TMEM97: variants seen among roughly 807,000 people sequenced by gnomAD.
The protein encoded by TMEM97 is transmembrane protein 97.
A neutral mutation model predicts 18.3 loss-of-function variants in TMEM97; 13 were observed. The observed-to-expected ratio is 0.71, with a 90% CI of 0.46 to 1.13. The LOEUF (loss-of-function observed/expected upper bound fraction) is 1.13, where lower values mean the gene tolerates loss of function less well. TMEM97 is among the 50% of genes most tolerant of loss of function. The pLI is 0.00. For synonymous variants in TMEM97, 76 were observed against 85.3 expected (o/e 0.89, Z 0.60); for missense variants, 205 against 210.5 (o/e 0.97, Z 0.16).
intron 1 of TMEM97, among the ~76,000 whole-genome samples, chr17:28,324,428 T>C (rs1405706796): frequency 6.6e-6 from 1 of 152,230 alleles, no homozygotes; most frequent in Admixed American, 6.5e-5. Context: ...ATCTTTTGAT[T>C]AAAAATTAAC....
Position 28,319,334 on chromosome 17 carries a change from C to T in TMEM97, c.95C>T (p.Ala32Val). ...ATCACCCTGTTCATGGACCTGCAGG[C>T]GGTGCTGCCGCGCGAGCTCTACCCA... The part of the protein sequence containing the change: ...IPITLFMDLQ[A>V]VLPRELYPVE... Residue 32 changes from alanine (A) to valine (V), a missense_variant, in exon 1 of 3, where the codon GCG becomes GTG. Ala to Val is a moderately conservative substitution (Grantham distance 64). Transcript: ENST00000226230. 1.9e-6 allele frequency: 3 copies of T among 1,606,316 alleles called. No homozygotes were observed. The highest frequency in any genetic ancestry group is 1.7e-6 in the Non-Finnish European group (2 of 1,176,502).
At position 28,319,232 on chromosome 17, in the gene TMEM97, G is replaced by A. The variant is rs1906031827; in HGVS notation, c.-8G>A. The A allele has an allele frequency of 6.2e-7, 1 of 1,601,724 alleles. No individual in the cohort carries two copies. Among genetic ancestry groups the A allele is most frequent in the Non-Finnish European group, 8.5e-7 (1 of 1,173,694 alleles). On this transcript the variant is annotated 5_prime_UTR_variant, in exon 1 of 3. Transcript: ENST00000226230. ...CACATCAGCGGGTCCAGGCCCAACC[G>A]ACAGACTATGGGGGCTCCGGCAACC...
In TMEM97 at chr17:28,319,337, T is replaced by C. The variant is rs782366453; in HGVS notation, c.98T>C (p.Val33Ala). ...PITLFMDLQA[V>A]LPRELYPVEF... ...ACCCTGTTCATGGACCTGCAGGCGGTGCTGCCGCGCGAGCTCTACCCAGTC... is the reference window on the plus strand; with the variant it reads ...ACCCTGTTCATGGACCTGCAGGCGGCGCTGCCGCGCGAGCTCTACCCAGTC... Residue 33 changes from valine to alanine, a missense_variant, in exon 1 of 3, where the codon GTG becomes GCG. By Grantham distance (64) the Val-to-Ala change is moderately conservative. Coordinates refer to ENST00000226230, the MANE Select transcript of TMEM97 (RefSeq NM_014573.3). The C allele has an allele frequency of 6.2e-7, 1 of 1,606,744 alleles. No homozygotes were observed. Among genetic ancestry groups the C allele is most frequent in the Non-Finnish European group, 8.5e-7 (1 of 1,176,744 alleles).
intron 2 of TMEM97, among the ~76,000 whole-genome samples, chr17:28,326,274 C>T (rs75909871): frequency 1.5e-3 from 224 of 152,282 alleles, no homozygotes; most frequent in African/African-American, 5.1e-3. Context: ...ACAGGTTTAA[C>T]CGGTAATGGC....
intron 1 of TMEM97, 51 bp downstream of exon 1, chr17:28,319,416 G>GCCCACA: frequency 2.0e-6 from 3 of 1,520,538 alleles, no homozygotes; most frequent in Non-Finnish European, 2.6e-6. Context: ...CCGGCGCTGC[G>GCCCACA]TCCACAGGGC....
chr17:28,321,678 C>T (rs1363501162), intron 1 of TMEM97, among the ~76,000 whole-genome samples: 1 of 152,170 alleles, frequency 6.6e-6, no homozygotes, highest in African/African-American at 2.4e-5. Context: ...CCTCCTGCCT[C>T]GGGCTCCCAA....
chr17:28,326,226 T>C (rs1906327056), intron 2 of TMEM97, among the ~76,000 whole-genome samples: 1 of 152,230 alleles, frequency 6.6e-6, no homozygotes. Flanking sequence ...ACAGATGCCA[T>C]GGGGCAGGGA....
intron 1 of TMEM97, chr17:28,319,598 C>A: frequency 2.3e-6 from 1 of 441,988 alleles, no homozygotes; most frequent in Non-Finnish European, 3.9e-6. Context: ...CCTTTAAAGT[C>A]ACTTCTTCCC....
intron 1 of TMEM97, among the ~76,000 whole-genome samples, chr17:28,322,599 TG>T (rs1906189071): frequency 6.6e-6 from 1 of 152,114 alleles, no homozygotes; most frequent in Non-Finnish European, 1.5e-5. Context: ...GATAAGAACA[TG>T]GTAAGGAGAG....
chr17:28,323,629 C>G (rs1354626229), intron 1 of TMEM97, among the ~76,000 whole-genome samples: 1 of 152,102 alleles, frequency 6.6e-6, no homozygotes, highest in Non-Finnish European at 1.5e-5. Flanking sequence ...AAACTCCTGA[C>G]CTCAGGTGAT....
rs116158445 is a variant in TMEM97, at chr17:28,325,466, A to G, written c.127-37A>G. 7.2e-4 allele frequency: 1,155 copies of G among 1,608,782 alleles called. 10 individuals carry two copies. In the African/African-American group the frequency reaches 0.014, roughly 20 times the overall value. ...GCTAGCGCCGAGCCTGTTGAGGGCA[A>G]GTGGCTGTAATTCATCATGATCGTT... On this transcript the variant is annotated intron_variant, in intron 1 of 2. Coordinates refer to ENST00000226230, the MANE Select transcript of TMEM97 (RefSeq NM_014573.3).
Position 28,326,901 on chromosome 17 carries a change from A to T in TMEM97, c.*108A>T, listed in dbSNP as rs1906374567. On this transcript the variant is annotated 3_prime_UTR_variant, in exon 3 of 3. Transcript: ENST00000226230. ...CCACGTCTTCAGCAGCATTTGAAAC[A>T]CTGGCAGCAATGCACAAGAGCAAGA... The T allele has an allele frequency of 1.2e-5, 16 of 1,327,634 alleles. No individual in the cohort carries two copies. Among genetic ancestry groups the T allele is most frequent in the Non-Finnish European group, 1.6e-5 (16 of 974,630 alleles). The allele number at this position is 1,327,634 out of a possible 1,614,324, so 82.2% of individuals were successfully genotyped here. A position where few individuals can be genotyped will look rare whatever the true frequency, so the allele number is the denominator to read the frequency against.
chr17:28,324,135 A>G (rs2142157505), intron 1 of TMEM97, among the ~76,000 whole-genome samples: 1 of 152,354 alleles, frequency 6.6e-6, no homozygotes, highest in South Asian at 2.1e-4. Flanking sequence ...AGGAAGTAGA[A>G]CCCTGGAGAG....
In TMEM97 at chr17:28,326,598, TC is replaced by T; in HGVS notation, c.338del (p.Pro113ArgfsTer29). The T allele has an allele frequency of 6.2e-7, 1 of 1,614,128 alleles. No homozygotes were observed. The highest frequency in any genetic ancestry group is 8.5e-7 in the Non-Finnish European group (1 of 1,180,018). On this transcript the variant is annotated frameshift_variant, in exon 3 of 3. Coordinates refer to ENST00000226230, the MANE Select transcript of TMEM97 (RefSeq NM_014573.3). LOFTEE classifies it high-confidence loss of function. ...CTGTTCACACCATGACAACCTTAAT[TC>T]CGATACTCTCCACATTTCTGTTTGA... ...YSVHTMTTLI[P>X]ILSTFLFEDF...
chr17:28,325,363 G>C (rs1906288865), intron 1 of TMEM97, 140 bp from the exon 2 acceptor site: 1 of 1,087,516 alleles, frequency 9.2e-7, no homozygotes, highest in Non-Finnish European at 1.3e-6. Context: ...ACAAAAGCCA[G>C]CTGGACATGC....
At chr17:28,320,590 A>G (rs1906105267) in intron 1 of TMEM97, among the ~76,000 whole-genome samples, 1 of 152,226 alleles carries the variant, frequency 6.6e-6, no homozygotes, top group Admixed American at 6.5e-5. Flanking sequence ...GTTAAATTAT[A>G]AGCTCAAACA....
Position 28,326,440 on chromosome 17 carries a change from A to T in TMEM97, c.272-94A>T, listed in dbSNP as rs1597780909. 17 of 1,459,130 alleles carry T rather than the reference A, an allele frequency of 1.2e-5. No homozygotes were observed. In the East Asian group the frequency reaches 3.9e-4, roughly 33 times the overall value. 90.4% of individuals were successfully genotyped at this position (1,459,130 alleles called of 1,614,324 possible). ...AGTTTCCACTTGGAGAAGGGAGTAG[A>T]AGAAAGCAGGCAGGCAGAGACAGTG... On this transcript the variant is annotated intron_variant, in intron 2 of 2. Transcript: ENST00000226230.
In TMEM97 at chr17:28,319,379, C is replaced by T. The variant is rs374242967; in HGVS notation, c.126+14C>T. The T allele has an allele frequency of 4.7e-4, 730 of 1,552,348 alleles. 2 individuals are homozygous for T. The highest frequency in any genetic ancestry group is 6.0e-4 in the Non-Finnish European group (688 of 1,154,266). On this transcript the variant is annotated intron_variant, in intron 1 of 2. Coordinates refer to ENST00000226230, the MANE Select transcript of TMEM97 (RefSeq NM_014573.3). The stretch of plus-strand genomic sequence containing the variant: ...TACCCAGTCGAGGTGAGGGGCGCCC[C>T]TCTTATCCCGGCCCGCTGAGGCTCT...
intron 1 of TMEM97, 154 bp downstream of exon 1, chr17:28,319,519 G>A (rs1906058703): frequency 1.1e-6 from 1 of 938,448 alleles, no homozygotes. Context: ...ACTTTAGTTC[G>A]GTGTTTTCCT....
Sources: gnomAD v4.1 joint callset for allele counts (sites outside exome capture counted in the v4.1 genomes callset) on GRCh38, gnomAD v4.1.1 for gene constraint, MANE v1.5 for transcripts, NCBI Gene and HGNC (gene_info 2026-07-23, HGNC 2026-07-21) for gene names.